MACROD2: variants seen among roughly 807,000 people sequenced by gnomAD.
MACROD2 encodes ADP-ribose glycohydrolase MACROD2.
MACROD2 carries 36 observed loss-of-function variants against 70.4 expected under a neutral mutation model. That is an observed-to-expected ratio of 0.51 (90% CI 0.39 to 0.68). The LOEUF (loss-of-function observed/expected upper bound fraction) is 0.68. MACROD2 is among the 30% of genes least tolerant of loss of function. The probability of loss-of-function intolerance (pLI) is 0.00; values close to 1 mark genes in which losing one functional copy is unlikely to be tolerated. For missense variants in MACROD2, 496 were observed against 538.4 expected, an observed-to-expected ratio of 0.92 and a Z score of 0.78; for synonymous variants, 172 against 178.8, an observed-to-expected ratio of 0.96 and a Z score of 0.30.
At chr20:15,397,223 G>A (rs547264097) in intron 6 of MACROD2, among the ~76,000 whole-genome samples, 4 of 152,062 alleles carry the variant, frequency 2.6e-5, no homozygotes, top group African/African-American at 9.7e-5. Flanking sequence ...CCACCATATG[G>A]CATGTCCTTA....
At chr20:14,785,392 C>A (rs144211609) in intron 5 of MACROD2, among the ~76,000 whole-genome samples, 1 of 151,818 alleles carries the variant, frequency 6.6e-6, no homozygotes, top group Admixed American at 6.6e-5. Flanking sequence ...AAAAAAAAAG[C>A]CTTTAATGGG....
At chr20:14,588,928 T>G (rs574460649) in intron 4 of MACROD2, among the ~76,000 whole-genome samples, 5 of 152,346 alleles carry the variant, frequency 3.3e-5, no homozygotes, top group African/African-American at 1.2e-4. Flanking sequence ...AACCAATAAT[T>G]ATTAGACATT....
Position 13,999,796 on chromosome 20 carries a change from G to T in MACROD2, c.47-2492G>T, listed in dbSNP as rs1433580556. 3.3e-5 allele frequency among the ~76,000 whole-genome samples: 5 copies of T among 152,254 alleles called. No individual in the cohort carries two copies. The East Asian group carries it at 9.6e-4, about 29-fold the overall frequency. On this transcript the variant is annotated intron_variant, in intron 1 of 17. Transcript: ENST00000684519. ...CTTTTCCTCTTTATTCCATGCTGTT[G>T]GTAACCACATTGATAAAAGCAGGTT...
At chr20:14,862,625 A>ATATATG (rs2073375664) in intron 5 of MACROD2, among the ~76,000 whole-genome samples, 1 of 11,458 alleles carries the variant, frequency 8.7e-5, no homozygotes. Flanking sequence ...AAATATATAT[A>ATATATG]TATAAATATA....
At chr20:15,495,104 C>T (rs1160159507) in intron 7 of MACROD2, among the ~76,000 whole-genome samples, 1 of 152,178 alleles carries the variant, frequency 6.6e-6, no homozygotes, top group African/African-American at 2.4e-5. Flanking sequence ...TGTCTGTAGC[C>T]TCCCCTCCGG....
chr20:16,027,496 A>AT (rs1209225945), intron 15 of MACROD2, among the ~76,000 whole-genome samples: 1 of 152,222 alleles, frequency 6.6e-6, no homozygotes, highest in African/African-American at 2.4e-5. Flanking sequence ...ATCATGCAGG[A>AT]TTTCAACCCT....
At chr20:15,090,164 A>G (rs1047019493) in intron 5 of MACROD2, among the ~76,000 whole-genome samples, 2 of 150,960 alleles carry the variant, frequency 1.3e-5, no homozygotes, top group African/African-American at 4.9e-5. Context: ...CAGCAGTAAT[A>G]TATGCTAGGA....
chr20:15,803,562 G>A (rs1302828262), intron 8 of MACROD2, among the ~76,000 whole-genome samples: 1 of 151,798 alleles, frequency 6.6e-6, no homozygotes, highest in East Asian at 1.9e-4. Context: ...AAATAATGGT[G>A]GTCACTCTGT....
At chr20:14,429,333 G>T (rs1437852974) in intron 3 of MACROD2, among the ~76,000 whole-genome samples, 1 of 151,800 alleles carries the variant, frequency 6.6e-6, no homozygotes, top group Admixed American at 6.6e-5. Flanking sequence ...TTTCTTCCTT[G>T]TTCATGGTCC....
In MACROD2 at chr20:14,836,159, C is replaced by CA. The variant is rs1177396293; in HGVS notation, c.418+151208dup. Among the ~76,000 whole-genome samples the CA allele has an allele frequency of 5.3e-5, 8 of 151,748 alleles. No individual in the cohort carries two copies. In the East Asian group the frequency reaches 1.2e-3, roughly 22 times the overall value. On this transcript the variant is annotated intron_variant, in intron 5 of 17. Transcript: ENST00000684519. ...ACACAAAAAGTGAGGGGTCCGTACT[C>CA]AAAAAAAATTTTGGAAAAGAGTGGG...
chr20:15,209,295 T>C (rs1453718006), intron 5 of MACROD2, among the ~76,000 whole-genome samples: 2 of 152,166 alleles, frequency 1.3e-5, no homozygotes, highest in African/African-American at 4.8e-5. Flanking sequence ...AGAGTCTTCT[T>C]ATATTTGTTT....
intron 5 of MACROD2, chr20:14,894,390 C>G (rs2122522785): frequency 6.6e-6 from 1 of 152,142 alleles, no homozygotes; most frequent in East Asian, 1.9e-4. Flanking sequence ...ACCACCACGT[C>G]CGGCTAATGT....
At chr20:15,412,658 T>G (rs1010558548) in intron 6 of MACROD2, among the ~76,000 whole-genome samples, 1 of 152,188 alleles carries the variant, frequency 6.6e-6, no homozygotes, top group Non-Finnish European at 1.5e-5. Context: ...TTATCGAGAC[T>G]GTAGGGCAAA....
intron 8 of MACROD2, among the ~76,000 whole-genome samples, chr20:15,775,351 C>A (rs1392262018): frequency 6.6e-6 from 1 of 152,076 alleles, no homozygotes; most frequent in Non-Finnish European, 1.5e-5. Context: ...TGGACAGAAC[C>A]ATTCCATGGT....
intron 8 of MACROD2, among the ~76,000 whole-genome samples, chr20:15,792,553 G>A (rs2063634469): frequency 1.3e-5 from 2 of 152,082 alleles, no homozygotes; most frequent in South Asian, 4.1e-4. Context: ...CAATAAAAAC[G>A]TAAGAGGACC....
In MACROD2 at chr20:14,271,584, C is replaced by T. The variant is rs139738706; in HGVS notation, c.271+185856C>T. 6.1e-4 allele frequency among the ~76,000 whole-genome samples: 93 copies of T among 152,284 alleles called. 1 individual carries two copies. The South Asian group carries it at 0.017, about 28-fold the overall frequency. On this transcript the variant is annotated intron_variant, in intron 3 of 17. Coordinates refer to ENST00000684519, the MANE Select transcript of MACROD2 (RefSeq NM_001351661.2). The stretch of plus-strand genomic sequence containing the variant: ...AAACTGGAAACTCTAAAAAACAGAG[C>T]GCCTTTCCTCCTCCAAAGGAATGCA...
intron 9 of MACROD2, among the ~76,000 whole-genome samples, chr20:15,867,681 T>C (rs1398618228): frequency 5.3e-5 from 8 of 152,206 alleles, no homozygotes; most frequent in Admixed American, 3.3e-4. Flanking sequence ...CGATCTGGAA[T>C]GTGGAAGTCA....
intron 6 of MACROD2, among the ~76,000 whole-genome samples, chr20:15,294,432 C>G (rs1181889455): frequency 1.3e-5 from 2 of 152,180 alleles, no homozygotes; most frequent in East Asian, 3.9e-4. Context: ...TCTTCTAAAC[C>G]TCCCGTTTTC....
intron 4 of MACROD2, among the ~76,000 whole-genome samples, chr20:14,516,714 A>G (rs971056753): frequency 3.3e-5 from 5 of 152,200 alleles, no homozygotes; most frequent in East Asian, 1.9e-4. Flanking sequence ...GCCTTGTAGT[A>G]TAGTTTGAAG....
Sources: gnomAD v4.1 joint callset for allele counts (sites outside exome capture counted in the v4.1 genomes callset) on GRCh38, gnomAD v4.1.1 for gene constraint, MANE v1.5 for transcripts, NCBI Gene and HGNC (gene_info 2026-07-23, HGNC 2026-07-21) for gene names.